AP3B1: variants seen among roughly 807,000 people sequenced by gnomAD.
AP3B1 encodes AP-3 complex subunit beta-1.
Under a neutral mutation model 132.5 loss-of-function variants are expected in AP3B1, and 61 were observed. The observed-to-expected ratio is 0.46, with a 90% confidence interval of 0.37 to 0.57. AP3B1 has a LOEUF of 0.57. Among genes scored for constraint, AP3B1 ranks in the 20% least tolerant of loss-of-function variants. The pLI is 0.00. For synonymous variants in AP3B1, 388 were observed against 438.3 expected, an observed-to-expected ratio of 0.89 and a Z score of 1.43; for missense variants, 1,120 against 1,289.4, an observed-to-expected ratio of 0.87 and a Z score of 2.01.
At chr5:78,281,433 T>A (rs922468367) in intron 1 of AP3B1, among the ~76,000 whole-genome samples, 145 of 54,746 alleles carry the variant, frequency 2.6e-3, no homozygotes, top group East Asian at 4.1e-3. Flanking sequence ...AAACTCTGCC[T>A]CAAAAAAAAA....
chr5:78,239,346 C>T (rs1747014718), intron 3 of AP3B1, among the ~76,000 whole-genome samples: 1 of 151,282 alleles, frequency 6.6e-6, no homozygotes, highest in African/African-American at 2.4e-5. Flanking sequence ...TGGCATGCAC[C>T]TGTAGTCCCA....
At position 78,015,391 on chromosome 5, in the gene AP3B1, C is replaced by G. The variant is rs769957838; in HGVS notation, c.3131+19G>C. ...ATTCAAGTCATCTTCACCTCCACAT[C>G]GTGTGTTAGTGAACCTACCTGTGTA... On this transcript the variant is annotated intron_variant, in intron 26 of 26. Coordinates refer to ENST00000255194, the MANE Select transcript of AP3B1 (RefSeq NM_003664.5). 2.5e-6 allele frequency: 4 copies of G among 1,612,334 alleles called. No homozygotes were observed. Among genetic ancestry groups the G allele is most frequent in the Admixed American group, 3.3e-5 (2 of 60,016 alleles).
Position 78,294,664 on chromosome 5 carries a change from A to C in AP3B1, c.-85T>G. On this transcript the variant is annotated 5_prime_UTR_variant, in exon 1 of 27. Transcript: ENST00000255194. ...AGTCCAGAGGGCACGGAACAAAACT[A>C]GTTCTCGTACGGAGGAGCGCGCGCA... 1 of 1,601,476 alleles carries C rather than the reference A, an allele frequency of 6.2e-7. No individual in the cohort carries two copies.
chr5:78,288,761 C>T (rs10073614), intron 1 of AP3B1, among the ~76,000 whole-genome samples: 35,124 of 151,952 alleles, frequency 0.23, 4,652 homozygotes, highest in Middle Eastern at 0.31. Flanking sequence ...ACACAAATCA[C>T]AGTCTTTAAT....
At chr5:78,204,037 A>C (rs1469177025) in intron 7 of AP3B1, among the ~76,000 whole-genome samples, 2 of 152,126 alleles carry the variant, frequency 1.3e-5, no homozygotes, top group Non-Finnish European at 2.9e-5. Flanking sequence ...ATGGTGATTT[A>C]AAACCCTTGG....
chr5:78,189,391 T>C (rs1413258842), intron 7 of AP3B1, among the ~76,000 whole-genome samples: 1 of 152,126 alleles, frequency 6.6e-6, no homozygotes, highest in Non-Finnish European at 1.5e-5. Context: ...TATGAACACT[T>C]TACAGAGGAT....
At chr5:78,157,538 G>GTT (rs1182988954) in intron 13 of AP3B1, among the ~76,000 whole-genome samples, 8 of 152,132 alleles carry the variant, frequency 5.3e-5, no homozygotes, top group African/African-American at 1.9e-4. Context: ...GTAAAGAAAC[G>GTT]TAACATAACT....
At chr5:78,156,484 G>A in intron 13 of AP3B1, 117 bp from the exon 14 acceptor site, 1 of 795,654 alleles carries the variant, frequency 1.3e-6, no homozygotes, top group South Asian at 1.6e-5. Context: ...AGCCTTAAAA[G>A]ACTATGTGAA....
Position 78,224,365 on chromosome 5 carries a change from T to TA in AP3B1, c.603+1176dup, listed in dbSNP as rs201889869. Among the ~76,000 whole-genome samples, 1,458 of 151,596 alleles carry TA rather than the reference T, an allele frequency of 9.6e-3. 24 individuals are homozygous for TA. Among genetic ancestry groups the TA allele is most frequent in the African/African-American group, 0.032 (1,343 of 41,336 alleles). ...AGACAATATTTTCAAAAATATATAG[T>TA]AAAAAAACCATGAAAAGAATTAAAA... is the stretch of plus-strand genomic sequence containing the variant. On this transcript the variant is annotated intron_variant, in intron 6 of 26. Transcript: ENST00000255194.
intron 22 of AP3B1, among the ~76,000 whole-genome samples, chr5:78,054,050 G>A (rs1748704012): frequency 6.6e-6 from 1 of 152,154 alleles, no homozygotes; most frequent in Non-Finnish European, 1.5e-5. Flanking sequence ...CTGTGAAATG[G>A]GGACACTAGC....
chr5:78,176,805 A>G (rs1002437493), intron 9 of AP3B1, among the ~76,000 whole-genome samples: 2 of 152,228 alleles, frequency 1.3e-5, no homozygotes, highest in African/African-American at 4.8e-5. Context: ...AAGAGTATGC[A>G]ATCTTTAAAA....
chr5:78,109,460 A>C (rs1301549573), intron 20 of AP3B1, among the ~76,000 whole-genome samples: 3 of 152,166 alleles, frequency 2.0e-5, no homozygotes, highest in Admixed American at 2.0e-4. Context: ...GAGTTTGGCC[A>C]TATTTTCAAC....
chr5:78,055,280 C>T (rs754438040), intron 22 of AP3B1, among the ~76,000 whole-genome samples: 4 of 152,182 alleles, frequency 2.6e-5, no homozygotes, highest in Non-Finnish European at 5.9e-5. Context: ...GTATTTTTAA[C>T]ATATTAAACA....
At chr5:78,168,195 T>C (rs1231270696) in intron 11 of AP3B1, among the ~76,000 whole-genome samples, 1 of 151,242 alleles carries the variant, frequency 6.6e-6, no homozygotes, top group Non-Finnish European at 1.5e-5. Flanking sequence ...GATAACTATA[T>C]TTTAACTTTT....
chr5:78,245,874 A>G (rs887390461), intron 2 of AP3B1, among the ~76,000 whole-genome samples: 16 of 152,190 alleles, frequency 1.1e-4, no homozygotes, highest in Admixed American at 2.0e-4. Flanking sequence ...AGTTCCTGAT[A>G]TTTGAAAAAG....
In AP3B1 at chr5:78,062,994, T is replaced by C. The variant is rs537109904; in HGVS notation, c.2578-23720A>G. ...CCCTGAAATGTCTCTCGGTTCTCTA[T>C]GAGCTAATTATGAATGAAAAGTTAT... On this transcript the variant is annotated intron_variant, in intron 22 of 26. Coordinates refer to ENST00000255194, the MANE Select transcript of AP3B1 (RefSeq NM_003664.5). 1.3e-4 allele frequency among the ~76,000 whole-genome samples: 20 copies of C among 152,320 alleles called. No homozygotes were observed. In the South Asian group the frequency reaches 2.1e-3, roughly 16 times the overall value.
chr5:78,113,036 G>A (rs771524168), intron 19 of AP3B1, among the ~76,000 whole-genome samples: 1 of 152,292 alleles, frequency 6.6e-6, no homozygotes, highest in Admixed American at 6.5e-5. Flanking sequence ...TTTAATTACT[G>A]TCTGTAATAA....
At chr5:78,171,492 T>A (rs1442144508) in intron 11 of AP3B1, among the ~76,000 whole-genome samples, 1 of 152,184 alleles carries the variant, frequency 6.6e-6, no homozygotes, top group Non-Finnish European at 1.5e-5. Flanking sequence ...ATTCTCTTCA[T>A]AGCAATTGTG....
At chr5:78,220,628 G>A (rs1404262927) in intron 6 of AP3B1, among the ~76,000 whole-genome samples, 1 of 150,948 alleles carries the variant, frequency 6.6e-6, no homozygotes, top group African/African-American at 2.4e-5. Context: ...ATAAGGGAAA[G>A]ACTTGAAAGA....
Sources: allele counts gnomAD v4.1 joint callset (sites outside exome capture counted in the v4.1 genomes callset), GRCh38; gene constraint gnomAD v4.1.1; transcripts MANE v1.5; gene names NCBI Gene and HGNC (gene_info 2026-07-23, HGNC 2026-07-21).